Variants in FSTL5 observed in about 807,000 individuals in gnomAD.
FSTL5 encodes follistatin like 5.
In FSTL5, 62 loss-of-function variants were observed where a neutral mutation model predicts 89.1. The ratio of observed to expected loss-of-function variants is 0.70; its 90% confidence interval spans 0.57 to 0.86. FSTL5 has a LOEUF of 0.86. Among genes scored for constraint, FSTL5 ranks in the 40% least tolerant of loss-of-function variants. FSTL5 has a pLI of 0.00. For missense variants in FSTL5, 1,057 were observed against 1,001.6 expected, an observed-to-expected ratio of 1.06 and a Z score of -0.75; for synonymous variants, 383 against 346.2, an observed-to-expected ratio of 1.11 and a Z score of -1.18.
At chr4:161,702,645 T>G (rs1443605076) in intron 6 of FSTL5, among the ~76,000 whole-genome samples, 1 of 152,154 alleles carries the variant, frequency 6.6e-6, no homozygotes, top group Non-Finnish European at 1.5e-5. Context: ...TGTAGAATGC[T>G]TTTATAAGTG....
At chr4:162,049,369 T>C (rs1035193267) in intron 2 of FSTL5, among the ~76,000 whole-genome samples, 2 of 152,216 alleles carry the variant, frequency 1.3e-5, no homozygotes. Flanking sequence ...CCCAAATCCC[T>C]AGCTGGAGTG....
chr4:161,962,541 C>CT (rs199829722), intron 3 of FSTL5, among the ~76,000 whole-genome samples: 12 of 147,342 alleles, frequency 8.1e-5, no homozygotes, highest in African/African-American at 2.2e-4. Flanking sequence ...ATCTGTGATT[C>CT]TTTTTTTTTT....
At chr4:161,624,459 C>A (rs967765317) in intron 7 of FSTL5, among the ~76,000 whole-genome samples, 10 of 151,764 alleles carry the variant, frequency 6.6e-5, no homozygotes, top group Admixed American at 6.6e-4. Context: ...TCTAAACTTA[C>A]AATTTGACAA....
At chr4:161,875,600 G>C (rs976147842) in intron 4 of FSTL5, among the ~76,000 whole-genome samples, 1 of 152,120 alleles carries the variant, frequency 6.6e-6, no homozygotes, top group Non-Finnish European at 1.5e-5. Context: ...GGGTCCGCTC[G>C]CACACTGTGG....
At chr4:161,926,406 TG>T (rs67228374) in intron 3 of FSTL5, among the ~76,000 whole-genome samples, 53,385 of 94,084 alleles carry the variant, frequency 0.57, 9,881 homozygotes, top group South Asian at 0.6. Context: ...TTTTTTTTTT[TG>T]TTTTGTTTTT....
chr4:161,703,348 C>T (rs562959936), intron 6 of FSTL5, among the ~76,000 whole-genome samples: 24 of 152,198 alleles, frequency 1.6e-4, no homozygotes, highest in Non-Finnish European at 3.4e-4. Flanking sequence ...AACTTACATG[C>T]TACGTAGTTC....
In FSTL5 at chr4:161,523,135, A is replaced by G. The variant is rs148399320; in HGVS notation, c.1313-12711T>C. ...GTTAATTTCTATAATAGCTTAATAT[A>G]CAAAAGCAAAATAAAGCAAGCATGT... On this transcript the variant is annotated intron_variant, in intron 10 of 15. Transcript: ENST00000306100. Among the ~76,000 whole-genome samples the G allele has an allele frequency of 7.2e-5, 11 of 152,312 alleles. No individual in the cohort carries two copies. In the East Asian group the frequency reaches 1.5e-3, roughly 21 times the overall value.
At chr4:161,391,612 T>C (rs942125849) in intron 15 of FSTL5, among the ~76,000 whole-genome samples, 1 of 152,192 alleles carries the variant, frequency 6.6e-6, no homozygotes, top group African/African-American at 2.4e-5. Flanking sequence ...TAAGAAAAGA[T>C]TGAATGTCCT....
chr4:161,386,390 A>C lies in FSTL5; in HGVS notation c.1901T>G (p.Met634Arg), dbSNP rs758454101. 3.7e-6 allele frequency: 6 copies of C among 1,613,730 alleles called. No individual in the cohort carries two copies. The East Asian group carries it at 1.1e-4, about 30-fold the overall frequency. Residue 634 changes from methionine (M) to arginine (R), a missense_variant, in exon 16 of 16, where the codon ATG becomes AGG. Around this residue, in one of 3 missense-constraint regions of FSTL5, gnomAD observed 980 missense variants for 903.2 expected, o/e 1.08. Coordinates refer to ENST00000306100, the MANE Select transcript of FSTL5 (RefSeq NM_020116.5). ...CAAGTTAATTGTCTTGATGTATGACATGGTTTCAAGATCAATTTTTTGTAG... is the reference window on the plus strand; with the variant it reads ...CAAGTTAATTGTCTTGATGTATGACCTGGTTTCAAGATCAATTTTTTGTAG... ...AALQKIDLET[M>R]SYIKTINLKD... is the part of the protein sequence containing the mutation.
intron 2 of FSTL5, among the ~76,000 whole-genome samples, chr4:162,052,436 A>G (rs779797391): frequency 6.6e-6 from 1 of 151,830 alleles, no homozygotes; most frequent in Non-Finnish European, 1.5e-5. Flanking sequence ...TCTATATTAT[A>G]ATACTTTTCA....
chr4:162,015,842 G>A (rs1044683025), intron 3 of FSTL5, among the ~76,000 whole-genome samples: 1 of 152,118 alleles, frequency 6.6e-6, no homozygotes, highest in African/African-American at 2.4e-5. Context: ...CTGGTTTAAA[G>A]GAAAGTTTAA....
intron 7 of FSTL5, among the ~76,000 whole-genome samples, chr4:161,599,073 G>A (rs1423597056): frequency 6.6e-6 from 1 of 151,838 alleles, no homozygotes; most frequent in Non-Finnish European, 1.5e-5. Flanking sequence ...ATTGGACAAA[G>A]CAACCCATTA....
At chr4:161,773,320 C>T (rs1409046350) in intron 5 of FSTL5, among the ~76,000 whole-genome samples, 2 of 150,656 alleles carry the variant, frequency 1.3e-5, no homozygotes, top group Admixed American at 1.3e-4. Flanking sequence ...AAAGCAAATG[C>T]AACAAAAACA....
At chr4:161,443,249 T>C (rs2314100) in intron 15 of FSTL5, among the ~76,000 whole-genome samples, 143,930 of 151,942 alleles carry the variant, frequency 0.95, 68,621 homozygotes, top group East Asian at 1. Flanking sequence ...GGCAAATTTG[T>C]CTAGGATTAT....
At chr4:161,758,610 C>G (rs561393693) in intron 6 of FSTL5, among the ~76,000 whole-genome samples, 2 of 152,242 alleles carry the variant, frequency 1.3e-5, no homozygotes, top group Non-Finnish European at 2.9e-5. Flanking sequence ...CCTCCGCCCC[C>G]GGGTTCAAGT....
chr4:161,620,285 C>T, intron 7 of FSTL5, among the ~76,000 whole-genome samples: 1 of 151,786 alleles, frequency 6.6e-6, no homozygotes, highest in Non-Finnish European at 1.5e-5. Flanking sequence ...CACATGTATA[C>T]ATTTGTAACT....
chr4:161,918,925 G>A (rs1440255038), intron 4 of FSTL5, among the ~76,000 whole-genome samples: 1 of 151,880 alleles, frequency 6.6e-6, no homozygotes, highest in African/African-American at 2.4e-5. Flanking sequence ...TTACCAGGGT[G>A]AGCCACCATG....
chr4:162,099,023 T>C lies in FSTL5; in HGVS notation c.126+12248A>G, dbSNP rs555264074. Among the ~76,000 whole-genome samples, 4 of 152,236 alleles carry C rather than the reference T, an allele frequency of 2.6e-5. No individual in the cohort carries two copies. The East Asian group carries it at 7.7e-4, about 29-fold the overall frequency. On this transcript the variant is annotated intron_variant, in intron 2 of 15. Transcript: ENST00000306100. Reference sequence around the variant, plus strand: ...ATCTTTTTCTTCTTTTTCTCTTTTTTTATTAGGACATGATTGTATAAATTT... The same window carrying C: ...ATCTTTTTCTTCTTTTTCTCTTTTTCTATTAGGACATGATTGTATAAATTT...
intron 4 of FSTL5, among the ~76,000 whole-genome samples, chr4:161,915,852 A>T (rs1733823795): frequency 6.6e-6 from 1 of 152,202 alleles, no homozygotes; most frequent in Non-Finnish European, 1.5e-5. Flanking sequence ...ATTTTTGTTT[A>T]AATGGTATAA....
Sources: allele counts gnomAD v4.1 joint callset (sites outside exome capture counted in the v4.1 genomes callset), GRCh38; gene constraint gnomAD v4.1.1; regional missense constraint gnomAD v4.1.1; transcripts MANE v1.5; gene names NCBI Gene and HGNC (gene_info 2026-07-23, HGNC 2026-07-21).